OPA1: variants seen among roughly 807,000 people sequenced by gnomAD.
OPA1 encodes the protein OPA1 mitochondrial dynamin like GTPase, also known as dynamin-like GTPase OPA1, mitochondrial.
Under a neutral mutation model 152.9 loss-of-function variants are expected in OPA1, and 59 were observed. The observed-to-expected ratio is 0.39, with a 90% confidence interval of 0.31 to 0.48. The LOEUF is 0.48. Among genes scored for constraint, OPA1 ranks in the 20% least tolerant of loss-of-function variants. The pLI is 0.96. For missense variants in OPA1, 1,008 were observed against 1,216.8 expected, an observed-to-expected ratio of 0.83 and a Z score of 2.55; for synonymous variants, 400 against 389.9, an observed-to-expected ratio of 1.03 and a Z score of -0.31.
chr3:193,604,967 C>T (rs1002282078), intron 1 of OPA1, among the ~76,000 whole-genome samples: 4 of 152,024 alleles, frequency 2.6e-5, no homozygotes, highest in East Asian at 1.9e-4. Flanking sequence ...AGTCAATTTC[C>T]GGGCACTCCT....
chr3:193,607,379 C>T (rs992094924), intron 1 of OPA1, among the ~76,000 whole-genome samples: 9 of 152,158 alleles, frequency 5.9e-5, no homozygotes, highest in African/African-American at 1.9e-4. Context: ...AGGTTTTCTT[C>T]TAGGATTTTT....
chr3:193,671,363 T>A lies in OPA1; in HGVS notation c.2983+4083T>A, dbSNP rs144757410. On this transcript the variant is annotated intron_variant, in intron 29 of 30. Transcript: ENST00000361510. Reference sequence around the variant, plus strand: ...AACAATACATGAGACAAACCCAAGTTAGAGCACAGTCTGCAAAATAACTGG... The same window carrying A: ...AACAATACATGAGACAAACCCAAGTAAGAGCACAGTCTGCAAAATAACTGG... Among the ~76,000 whole-genome samples, 899 of 152,188 alleles carry A rather than the reference T, an allele frequency of 5.9e-3. 3 individuals are homozygous for A. The highest frequency in any genetic ancestry group is 0.01 in the Non-Finnish European group (709 of 67,976).
intron 16 of OPA1, 102 bp from the exon 17 acceptor site, chr3:193,645,451 A>G (rs1415401636): frequency 3.9e-6 from 3 of 777,010 alleles, no homozygotes; most frequent in African/African-American, 1.8e-5. Flanking sequence ...TTATTTAACT[A>G]TATACATGTA....
chr3:193,669,429 C>G (rs1717431564), intron 29 of OPA1, among the ~76,000 whole-genome samples: 1 of 152,230 alleles, frequency 6.6e-6, no homozygotes, highest in Admixed American at 6.5e-5. Flanking sequence ...GATTAGTGCT[C>G]AAATCTGAAT....
chr3:193,669,971 T>A lies in OPA1; in HGVS notation c.2983+2691T>A, dbSNP rs942507800. Among the ~76,000 whole-genome samples, 8 of 152,304 alleles carry A rather than the reference T, an allele frequency of 5.3e-5. No homozygotes were observed. In the East Asian group the frequency reaches 1.5e-3, roughly 29 times the overall value. ...ATAATGGTGTTAATGTACCAAATAATGTCCTTGGAAGCAAGGGTTTTGCCA... is the reference window on the plus strand; with the variant it reads ...ATAATGGTGTTAATGTACCAAATAAAGTCCTTGGAAGCAAGGGTTTTGCCA... On this transcript the variant is annotated intron_variant, in intron 29 of 30. Coordinates refer to ENST00000361510, the MANE Select transcript of OPA1 (RefSeq NM_130837.3).
At chr3:193,595,765 C>A (rs1039331325) in intron 1 of OPA1, among the ~76,000 whole-genome samples, 1 of 152,080 alleles carries the variant, frequency 6.6e-6, no homozygotes, top group Non-Finnish European at 1.5e-5. Context: ...ATTTCTGAGA[C>A]GTTTTTCTCT....
At chr3:193,656,148 C>A (rs1713754503) in intron 22 of OPA1, among the ~76,000 whole-genome samples, 1 of 152,128 alleles carries the variant, frequency 6.6e-6, no homozygotes, top group South Asian at 2.1e-4. Context: ...TTTTTCTGCG[C>A]CCTGTCCCAT....
chr3:193,686,046 A>T (rs1057225790), intron 29 of OPA1, among the ~76,000 whole-genome samples: 8 of 151,570 alleles, frequency 5.3e-5, no homozygotes, highest in African/African-American at 1.9e-4. Context: ...AGGGATTCTT[A>T]AAAAAAATTT....
intron 29 of OPA1, among the ~76,000 whole-genome samples, chr3:193,690,468 C>G (rs962038440): frequency 3.3e-5 from 5 of 151,762 alleles, no homozygotes; most frequent in African/African-American, 1.2e-4. Context: ...TGAGTCTAGC[C>G]TGGGCAACAT....
intron 26 of OPA1, 25 bp downstream of exon 26, chr3:193,662,987 G>C (rs753936334): frequency 6.2e-7 from 1 of 1,607,698 alleles, no homozygotes; most frequent in African/African-American, 1.3e-5. Context: ...TGAGAAGCAG[G>C]AATCTGCTTC....
At chr3:193,637,104 T>G in intron 9 of OPA1, 91 bp from the exon 10 acceptor site, 1 of 678,108 alleles carries the variant, frequency 1.5e-6, no homozygotes, top group East Asian at 2.9e-5. Context: ...AAAAACAATT[T>G]GAATTTATCA....
At chr3:193,622,849 T>C (rs1045799333) in intron 6 of OPA1, among the ~76,000 whole-genome samples, 1 of 152,164 alleles carries the variant, frequency 6.6e-6, no homozygotes, top group African/African-American at 2.4e-5. Context: ...TAGAGGCTGA[T>C]TAAAGTAAAT....
intron 29 of OPA1, among the ~76,000 whole-genome samples, chr3:193,687,318 A>G (rs1297954330): frequency 6.6e-6 from 1 of 152,172 alleles, no homozygotes; most frequent in African/African-American, 2.4e-5. Flanking sequence ...TGTTTGAAAT[A>G]GCTCATCTTT....
intron 21 of OPA1, among the ~76,000 whole-genome samples, chr3:193,654,565 G>T (rs1219042430): frequency 6.6e-6 from 1 of 151,820 alleles, no homozygotes; most frequent in Non-Finnish European, 1.5e-5. Context: ...AATTATGCTG[G>T]AGTGGAAGAA....
chr3:193,629,060 C>T (rs1339081523), intron 7 of OPA1, among the ~76,000 whole-genome samples: 1 of 152,012 alleles, frequency 6.6e-6, no homozygotes, highest in Non-Finnish European at 1.5e-5. Flanking sequence ...ATTACAGGCA[C>T]ATGCCACTAC....
intron 29 of OPA1, among the ~76,000 whole-genome samples, chr3:193,672,887 A>G (rs1165466794): frequency 3.3e-5 from 5 of 151,292 alleles, no homozygotes; most frequent in African/African-American, 1.2e-4. Context: ...AAAAAAAACG[A>G]AAAACAAAAA....
At chr3:193,644,397 T>C (rs999035043) in intron 16 of OPA1, among the ~76,000 whole-genome samples, 1 of 152,166 alleles carries the variant, frequency 6.6e-6, no homozygotes, top group Admixed American at 6.5e-5. Flanking sequence ...AAGGTTTTCA[T>C]CGGAGGTTAG....
At chr3:193,639,442 G>A (rs759638421) in intron 11 of OPA1, among the ~76,000 whole-genome samples, 8 of 152,204 alleles carry the variant, frequency 5.3e-5, no homozygotes, top group South Asian at 2.1e-4. Context: ...CAGAAAGTGA[G>A]GGAGTAGTCC....
rs781333807 is a variant in OPA1 at position 193,668,438 on chromosome 3, G to A, written c.2983+1158G>A. The A allele has an allele frequency of 2.4e-4, 376 of 1,550,414 alleles. 1 individual carries two copies. In the Admixed American group the frequency reaches 3.0e-3, roughly 13 times the overall value. ...TGACATCCGTGCCAGGTTGCTCTTC[G>A]TCATGGAGTCCCTTTTACTGAGCTC... On this transcript the variant is annotated intron_variant, in intron 29 of 30. Transcript: ENST00000361510.
Sources: allele counts gnomAD v4.1 joint callset (sites outside exome capture counted in the v4.1 genomes callset), GRCh38; gene constraint gnomAD v4.1.1; transcripts MANE v1.5; gene names NCBI Gene and HGNC (gene_info 2026-07-23, HGNC 2026-07-21).